MLX: variants seen among roughly 807,000 people sequenced by gnomAD.
MLX encodes the protein max-like protein X.
Under a neutral mutation model 33.0 loss-of-function variants are expected in MLX, and 15 were observed. The ratio of observed to expected loss-of-function variants is 0.45; its 90% CI spans 0.30 to 0.70. The LOEUF is 0.70. Ranked by LOEUF, MLX falls within the 30% of genes least tolerant of loss-of-function variation. MLX has a pLI of 0.07. For synonymous variants in MLX, 115 were observed against 115.6 expected (o/e 0.99, Z 0.03); for missense variants, 285 against 306.3 (o/e 0.93, Z 0.52).
chr17:42,569,385 G>C, intron 5 of MLX, 82 bp downstream of exon 5: 10 of 1,522,740 alleles, frequency 6.6e-6, no homozygotes, highest in Non-Finnish European at 9.1e-6. Flanking sequence ...CCCATGGCTC[G>C]GCCTTGGTGT....
intron 3 of MLX, 80 bp downstream of exon 3, chr17:42,568,639 C>T: frequency 7.2e-7 from 1 of 1,380,254 alleles, no homozygotes. Flanking sequence ...AGGGAAGCCC[C>T]AGCCATCCAC....
At position 42,571,810 on chromosome 17, in the gene MLX, T is replaced by C. The variant is rs915901916; in HGVS notation, c.*207T>C. 3 of 585,554 alleles carry C rather than the reference T, an allele frequency of 5.1e-6. No homozygotes were observed. Among genetic ancestry groups the C allele is most frequent in the East Asian group, 2.9e-5 (1 of 34,488 alleles). The allele number at this position is 585,554 out of a possible 1,614,324, so 36.3% of individuals were successfully genotyped here. A position where few individuals can be genotyped will look rare whatever the true frequency, so the allele number is the denominator to read the frequency against. On this transcript the variant is annotated 3_prime_UTR_variant, in exon 8 of 8. Coordinates refer to ENST00000435881, the MANE Select transcript of MLX (RefSeq NM_198204.2). ...GAAAGCTTCTGATTAATTTATTATA[T>C]TGACGATAAAACTCAAACCTACCCA... is the stretch of plus-strand genomic sequence containing the variant.
At chr17:42,569,001 C>T (rs2093020465) in intron 4 of MLX, 58 bp downstream of exon 4, 1 of 1,530,412 alleles carries the variant, frequency 6.5e-7, no homozygotes, top group Admixed American at 1.9e-5. Context: ...AGTTTAGCTT[C>T]CCTGTGCCCT....
rs759537997 is a variant in MLX at position 42,571,554 on chromosome 17, G to A, written c.686G>A (p.Arg229Gln). 12 of 1,614,000 alleles carry A rather than the reference G, an allele frequency of 7.4e-6. No homozygotes were observed. The highest frequency in any genetic ancestry group is 4.4e-5 in the South Asian group (4 of 91,080). Residue 229 changes from arginine to glutamine, a missense_variant, in exon 8 of 8, where the codon CGG becomes CAG. Physicochemically the swap from Arg to Gln is conservative, Grantham distance 43. Coordinates refer to ENST00000435881, the MANE Select transcript of MLX (RefSeq NM_198204.2). ...CTCTGCTGCCCTCGCCAGACCCTGC[G>A]GGAGATTGTGATTGGCGTCCTGCAC... ...IEEHCKPQTL[R>Q]EIVIGVLHQL... is the part of the protein sequence containing the mutation.
chr17:42,571,028 C>T (rs538154394), intron 7 of MLX, among the ~76,000 whole-genome samples: 8 of 152,122 alleles, frequency 5.3e-5, no homozygotes, highest in African/African-American at 9.6e-5. Flanking sequence ...AGTGAACACT[C>T]GTATACCCGC....
Position 42,568,498 on chromosome 17 carries a change from G to T in MLX, c.108G>T (p.Gly36=). Residue 36 remains glycine, a synonymous_variant, in exon 3 of 8, where the codon GGG becomes GGT. Coordinates refer to ENST00000435881, the MANE Select transcript of MLX (RefSeq NM_198204.2). The stretch of plus-strand genomic sequence containing the variant: ...TTTTTGTAGAAAGCACCCGCAAGGG[G>T]AGTGTAGTGTCCAGAGCTAATAGCA... ...PGLFVESTRK[G]SVVSRANSIG... 6.2e-7 allele frequency: 1 copy of T among 1,613,934 alleles called. No homozygotes were observed. Among genetic ancestry groups the T allele is most frequent in the Non-Finnish European group, 8.5e-7 (1 of 1,179,898 alleles).
Position 42,572,274 on chromosome 17 carries a change from T to C in MLX, c.*671T>C, listed in dbSNP as rs779508699. ...AAGCCCTCCCGGTTCCCACAGGCTA[T>C]GATGCTGCATGGCAGAGGCAGGTAT... is the stretch of plus-strand genomic sequence containing the variant. On this transcript the variant is annotated 3_prime_UTR_variant, in exon 8 of 8. Coordinates refer to ENST00000435881, the MANE Select transcript of MLX (RefSeq NM_198204.2). 3.5e-5 allele frequency: 15 copies of C among 426,818 alleles called. No individual in the cohort carries two copies. Among genetic ancestry groups the C allele is most frequent in the Admixed American group, 9.9e-5 (4 of 40,400 alleles). The allele number at this position is 426,818 out of a possible 1,614,324, so 26.4% of individuals were successfully genotyped here.
At chr17:42,567,390 G>C in intron 1 of MLX, 1 of 1,408,648 alleles carries the variant, frequency 7.1e-7, no homozygotes, top group Non-Finnish European at 9.3e-7. Flanking sequence ...GGGTGGAGTA[G>C]GGGCGGAAGG....
chr17:42,571,077 C>T (rs1264888985), intron 7 of MLX, among the ~76,000 whole-genome samples: 1 of 152,034 alleles, frequency 6.6e-6, no homozygotes, highest in African/African-American at 2.4e-5. Context: ...ATATTTCCAT[C>T]TCTCCATCTT....
intron 2 of MLX, 60 bp downstream of exon 2, chr17:42,567,715 C>A: frequency 6.2e-7 from 1 of 1,611,012 alleles, no homozygotes. Context: ...TCTCTAGATT[C>A]TTGTGGCGTT....
At position 42,573,047 on chromosome 17, in the gene MLX, AATGAG is replaced by A. The variant is rs1237781925; in HGVS notation, c.*1448_*1452del. The A allele has an allele frequency of 6.2e-7, 1 of 1,614,242 alleles. No homozygotes were observed. The highest frequency in any genetic ancestry group is 2.2e-5 in the East Asian group (1 of 44,896). ...CTCCTGTGAGACAGGGAGACAAGTG[AATGAG>A]ATGTCACCAGGATAAGACCACAGGG... On this transcript the variant is annotated 3_prime_UTR_variant, in exon 8 of 8. Coordinates refer to ENST00000435881, the MANE Select transcript of MLX (RefSeq NM_198204.2).
chr17:42,567,436 C>T, intron 1 of MLX, 183 bp from the exon 2 acceptor site: 1 of 1,378,828 alleles, frequency 7.3e-7, no homozygotes, highest in Non-Finnish European at 9.7e-7. Context: ...ACGCCCTAGC[C>T]TGTGCCAGTC....
intron 3 of MLX, 92 bp downstream of exon 3, chr17:42,568,651 CAG>C (rs1166009611): frequency 7.7e-6 from 10 of 1,304,540 alleles, no homozygotes; most frequent in Admixed American, 3.4e-5. Flanking sequence ...GCCATCCACA[CAG>C]GGGTGCTGGA....
intron 2 of MLX, chr17:42,567,947 C>T: frequency 1.9e-6 from 1 of 533,002 alleles, no homozygotes; most frequent in Non-Finnish European, 3.4e-6. Flanking sequence ...AGGGGGGTAT[C>T]ATGCAGGCCT....
chr17:42,571,920 TC>T lies in MLX; in HGVS notation c.*318del. 2.7e-6 allele frequency: 1 copy of T among 364,138 alleles called. No homozygotes were observed. The highest frequency in any genetic ancestry group is 5.1e-6 in the Non-Finnish European group (1 of 196,606). 22.6% of individuals were successfully genotyped at this position (364,138 alleles called of 1,614,324 possible). Reference sequence around the variant, plus strand: ...AGCTCCTGCCCTCTCAGCCCTTTATTCAAGCCTCAGATTTCTGCTCATGATC... The same window carrying T: ...AGCTCCTGCCCTCTCAGCCCTTTATTAAGCCTCAGATTTCTGCTCATGATC... On this transcript the variant is annotated 3_prime_UTR_variant, in exon 8 of 8. Coordinates refer to ENST00000435881, the MANE Select transcript of MLX (RefSeq NM_198204.2).
At position 42,572,563 on chromosome 17, in the gene MLX, C is replaced by T. The variant is rs2093040151; in HGVS notation, c.*960C>T. The stretch of plus-strand genomic sequence containing the variant: ...TGAAGCCGTGGGCCCTCCAAATGCT[C>T]GTTTTATAGCAACCTCTCTCTACCC... On this transcript the variant is annotated 3_prime_UTR_variant, in exon 8 of 8. Transcript: ENST00000435881. 3 of 453,212 alleles carry T rather than the reference C, an allele frequency of 6.6e-6. No homozygotes were observed. The highest frequency in any genetic ancestry group is 4.0e-5 in the African/African-American group (2 of 49,860). 28.1% of individuals were successfully genotyped at this position (453,212 alleles called of 1,614,324 possible).
In MLX at chr17:42,569,939, C is replaced by T. The variant is rs752465223; in HGVS notation, c.477-43C>T. ...AGTCCCGTCATTCTTCTTGGGTGGGCGGAGCTGCTGCAGCACCTCAGCCCT... is the reference window on the plus strand; with the variant it reads ...AGTCCCGTCATTCTTCTTGGGTGGGTGGAGCTGCTGCAGCACCTCAGCCCT... On this transcript the variant is annotated intron_variant, in intron 6 of 7. Transcript: ENST00000435881. 2.8e-5 allele frequency: 44 copies of T among 1,574,652 alleles called. No homozygotes were observed. The East Asian group carries it at 6.3e-4, about 22-fold the overall frequency.
chr17:42,573,087 A>C lies in MLX; in HGVS notation c.*1484A>C. ...GGATAAGACCACAGGGAAGCAAAGA[A>C]GGAAGAGAGCTCCACTTACAAAGAA... is the stretch of plus-strand genomic sequence containing the variant. On this transcript the variant is annotated 3_prime_UTR_variant, in exon 8 of 8. Transcript: ENST00000435881. 6.2e-7 allele frequency: 1 copy of C among 1,614,150 alleles called. No homozygotes were observed. Among genetic ancestry groups the C allele is most frequent in the Non-Finnish European group, 8.5e-7 (1 of 1,180,022 alleles).
intron 2 of MLX, 79 bp downstream of exon 2, chr17:42,567,734 C>G: frequency 6.3e-7 from 1 of 1,581,572 alleles, no homozygotes; most frequent in Non-Finnish European, 8.7e-7. Context: ...TTGCCAACCA[C>G]GCCTGAGCAC....
Sources: gnomAD v4.1 joint callset for allele counts (sites outside exome capture counted in the v4.1 genomes callset) on GRCh38, gnomAD v4.1.1 for gene constraint, MANE v1.5 for transcripts, NCBI Gene and HGNC (gene_info 2026-07-23, HGNC 2026-07-21) for gene names.